KLHL29: variants seen among roughly 807,000 people sequenced by gnomAD.
KLHL29 encodes kelch-like protein 29.
A neutral mutation model predicts 80.4 loss-of-function variants in KLHL29; 21 were observed. The ratio of observed to expected loss-of-function variants is 0.26; its 90% confidence interval spans 0.19 to 0.38. The LOEUF (loss-of-function observed/expected upper bound fraction) is 0.38. Among genes scored for constraint, KLHL29 ranks in the 10% least tolerant of loss-of-function variants. The probability of loss-of-function intolerance (pLI) is 1.00; values close to 1 mark genes in which losing one functional copy is unlikely to be tolerated. For synonymous variants in KLHL29, 511 were observed against 526.8 expected (o/e 0.97, Z 0.41); for missense variants, 867 against 1,223.9 (o/e 0.71, Z 4.35).
intron 3 of KLHL29, among the ~76,000 whole-genome samples, chr2:23,600,991 C>G (rs190460570): frequency 5.9e-4 from 90 of 152,340 alleles, no homozygotes; most frequent in Non-Finnish European, 1.1e-3. Flanking sequence ...AACCTCACAA[C>G]AACCCTGTGA....
intron 2 of KLHL29, among the ~76,000 whole-genome samples, chr2:23,481,185 C>CAGAA (rs1664788125): frequency 6.6e-6 from 1 of 152,210 alleles, no homozygotes; most frequent in African/African-American, 2.4e-5. Flanking sequence ...TGTAAAGCTC[C>CAGAA]CCAGGTGGTT....
At chr2:23,522,218 G>A (rs1666127211) in intron 2 of KLHL29, among the ~76,000 whole-genome samples, 1 of 151,784 alleles carries the variant, frequency 6.6e-6, no homozygotes, top group Non-Finnish European at 1.5e-5. Flanking sequence ...GCATGATCTT[G>A]GCTCATGGCA....
chr2:23,547,870 G>A (rs1261528767), intron 2 of KLHL29, among the ~76,000 whole-genome samples: 1 of 152,166 alleles, frequency 6.6e-6, no homozygotes, highest in Non-Finnish European at 1.5e-5. Context: ...AGCAATCTCT[G>A]CAGTCTAGGT....
At chr2:23,543,036 G>A (rs752708919) in intron 2 of KLHL29, among the ~76,000 whole-genome samples, 1 of 152,204 alleles carries the variant, frequency 6.6e-6, no homozygotes, top group Non-Finnish European at 1.5e-5. Context: ...CTCAAGTCAC[G>A]GTGTGGGATG....
At chr2:23,687,375 G>A (rs965241463) in intron 6 of KLHL29, among the ~76,000 whole-genome samples, 2 of 152,208 alleles carry the variant, frequency 1.3e-5, no homozygotes, top group Admixed American at 1.3e-4. Context: ...CAGCCCCAGG[G>A]AGGACAATGA....
chr2:23,670,919 T>C (rs58581905), intron 5 of KLHL29, among the ~76,000 whole-genome samples: 13 of 45,010 alleles, frequency 2.9e-4, no homozygotes, highest in African/African-American at 9.0e-4. Context: ...ATGCACGCGC[T>C]CTCTCTCTCT....
At chr2:23,518,218 C>T (rs892136540) in intron 2 of KLHL29, among the ~76,000 whole-genome samples, 3 of 152,202 alleles carry the variant, frequency 2.0e-5, no homozygotes, top group East Asian at 3.9e-4. Flanking sequence ...GCCTATGGCT[C>T]CTCCTCCCAC....
intron 5 of KLHL29, among the ~76,000 whole-genome samples, chr2:23,683,387 C>A (rs1192453176): frequency 6.6e-6 from 1 of 152,238 alleles, no homozygotes; most frequent in African/African-American, 2.4e-5. Flanking sequence ...CCCAGGGGAT[C>A]CTGGGGGCAG....
chr2:23,515,247 C>T (rs1665886703), intron 2 of KLHL29, among the ~76,000 whole-genome samples: 1 of 152,194 alleles, frequency 6.6e-6, no homozygotes, highest in Non-Finnish European at 1.5e-5. Flanking sequence ...TATCCCCCTG[C>T]ACCCTAGGAC....
chr2:23,441,850 C>T (rs890849319), intron 1 of KLHL29, among the ~76,000 whole-genome samples: 1 of 152,194 alleles, frequency 6.6e-6, no homozygotes, highest in Non-Finnish European at 1.5e-5. Flanking sequence ...ACAAGCCCCA[C>T]TGTGCAAGCA....
chr2:23,545,772 TGA>T, intron 2 of KLHL29, among the ~76,000 whole-genome samples: 1 of 152,190 alleles, frequency 6.6e-6, no homozygotes, highest in East Asian at 1.9e-4. Flanking sequence ...TGAAAAATAC[TGA>T]GTTCCTTTTA....
At chr2:23,392,651 C>T (rs1345373578) in intron 1 of KLHL29, among the ~76,000 whole-genome samples, 1 of 152,188 alleles carries the variant, frequency 6.6e-6, no homozygotes, top group African/African-American at 2.4e-5. Flanking sequence ...ATCAACTGGC[C>T]CAAGGCCACA....
chr2:23,511,396 C>G (rs932654840), intron 2 of KLHL29, among the ~76,000 whole-genome samples: 6 of 152,196 alleles, frequency 3.9e-5, no homozygotes, highest in Non-Finnish European at 8.8e-5. Context: ...ATAATCCAAT[C>G]ACTGCCCAGT....
At chr2:23,699,031 C>T (rs1672185373) in intron 11 of KLHL29, among the ~76,000 whole-genome samples, 1 of 152,240 alleles carries the variant, frequency 6.6e-6, no homozygotes, top group Admixed American at 6.5e-5. Context: ...AAGACACTTA[C>T]TCCATTGCAT....
intron 3 of KLHL29, among the ~76,000 whole-genome samples, chr2:23,576,893 G>A (rs935133984): frequency 1.3e-5 from 2 of 152,150 alleles, no homozygotes; most frequent in African/African-American, 4.8e-5. Context: ...GCAAAGACTT[G>A]AGCCTTGATA....
intron 5 of KLHL29, among the ~76,000 whole-genome samples, chr2:23,661,265 C>T (rs564691754): frequency 1.4e-4 from 21 of 150,164 alleles, no homozygotes; most frequent in South Asian, 1.1e-3. Context: ...TTGCCTGAGC[C>T]GAGGAGTTTG....
Position 23,385,777 on chromosome 2 carries a change from G to C in KLHL29, c.-157G>C, listed in dbSNP as rs1418213172. ...CGGGCCGGGGCCGGAGCCGCGCGCC[G>C]GAGGTAAGAGCCGGGCCGGGCTGGA... On this transcript the variant is annotated 5_prime_UTR_variant, in exon 1 of 14. Coordinates refer to ENST00000486442, the MANE Select transcript of KLHL29 (RefSeq NM_052920.2). The C allele has an allele frequency of 6.7e-6, 1 of 149,946 alleles. No homozygotes were observed. The highest frequency in any genetic ancestry group is 1.5e-5 in the Non-Finnish European group (1 of 66,762). The allele number at this position is 149,946 out of a possible 1,614,324, so 9.3% of individuals were successfully genotyped here.
At position 23,408,664 on chromosome 2, in the gene KLHL29, G is replaced by C. The variant is rs373066699; in HGVS notation, c.-154+22884G>C. On this transcript the variant is annotated intron_variant, in intron 1 of 13. Transcript: ENST00000486442. ...TGCTGGGTTACTGAACTTTCTGATG[G>C]ATGGAACTCTTTTTAAGGCCTTCAA... is the stretch of plus-strand genomic sequence containing the variant. Among the ~76,000 whole-genome samples, 75 of 152,324 alleles carry C rather than the reference G, an allele frequency of 4.9e-4. 2 individuals are homozygous for C. Among genetic ancestry groups the C allele is most frequent in the African/African-American group, 1.6e-3 (67 of 41,572 alleles).
chr2:23,419,920 A>G (rs1393410506), intron 1 of KLHL29, among the ~76,000 whole-genome samples: 1 of 152,174 alleles, frequency 6.6e-6, no homozygotes, highest in African/African-American at 2.4e-5. Context: ...TGGCTGGCTG[A>G]CTTCACCACT....
Sources: gnomAD v4.1 joint callset for allele counts (sites outside exome capture counted in the v4.1 genomes callset) on GRCh38, gnomAD v4.1.1 for gene constraint, MANE v1.5 for transcripts, NCBI Gene and HGNC (gene_info 2026-07-23, HGNC 2026-07-21) for gene names.